Variants in CROCC observed in about 807,000 individuals in gnomAD.
CROCC encodes the protein ciliary rootlet coiled-coil, rootletin.
Under a neutral mutation model 245.2 loss-of-function variants are expected in CROCC, and 180 were observed. The ratio of observed to expected loss-of-function variants is 0.73; its 90% CI spans 0.65 to 0.83. The LOEUF (loss-of-function observed/expected upper bound fraction) is 0.83. CROCC is among the 40% of genes least tolerant of loss of function. The probability of loss-of-function intolerance (pLI) is 0.00; values close to 1 mark genes in which losing one functional copy is unlikely to be tolerated. For synonymous variants in CROCC, 1,205 were observed against 1,241.6 expected (o/e 0.97, Z 0.62); for missense variants, 2,688 against 2,779.4 (o/e 0.97, Z 0.74).
In CROCC at chr1:16,955,540, G is replaced by A. The variant is rs1389924358; in HGVS notation, c.3694G>A (p.Glu1232Lys). The A allele has an allele frequency of 4.5e-6, 7 of 1,541,090 alleles. No individual in the cohort carries two copies. The Admixed American group carries it at 5.7e-5, about 13-fold the overall frequency. The change falls in exon 24 of 37, where the codon GAG becomes AAG. Residue 1232 changes from glutamate to lysine, a missense_variant. Glu to Lys is a moderately conservative substitution (Grantham distance 56). Coordinates refer to ENST00000375541, the MANE Select transcript of CROCC (RefSeq NM_014675.5). ...LRSAVKKAES[E>K]RISLKLANED... is the part of the protein sequence containing the mutation. The stretch of plus-strand genomic sequence containing the variant: ...GTCTGCTGTGAAGAAGGCAGAGAGC[G>A]AGCGCATCAGGTGGGGTGTCGCAGG...
Position 16,940,514 on chromosome 1 carries a change from G to A in CROCC, c.1808+421G>A, listed in dbSNP as rs188930518. Among the ~76,000 whole-genome samples the A allele has an allele frequency of 2.2e-4, 34 of 152,284 alleles. No homozygotes were observed. In the East Asian group the frequency reaches 6.0e-3, roughly 27 times the overall value. The stretch of plus-strand genomic sequence containing the variant: ...AGCAATTCTCACCTCAGCCTCTGAA[G>A]TAGCTGGGATTATAGGTGCCCACCA... On this transcript the variant is annotated intron_variant, in intron 13 of 36. Transcript: ENST00000375541.
intron 24 of CROCC, among the ~76,000 whole-genome samples, 199 bp downstream of exon 24, chr1:16,955,749 G>T (rs922667434): frequency 3.2e-4 from 48 of 152,072 alleles, no homozygotes; most frequent in African/African-American, 1.1e-3. Flanking sequence ...GGGCAGCTTT[G>T]GGTCCAGACT....
At chr1:16,959,988 CG>C (rs1417706854) in intron 26 of CROCC, among the ~76,000 whole-genome samples, 1 of 151,896 alleles carries the variant, frequency 6.6e-6, no homozygotes, top group African/African-American at 2.4e-5. Context: ...CAAAAACAGC[CG>C]GGCGCAGTGG....
chr1:16,939,911 T>TG lies in CROCC; in HGVS notation c.1627dup (p.Glu543GlyfsTer15), dbSNP rs1474933644. The TG allele has an allele frequency of 1.2e-5, 20 of 1,612,230 alleles. No individual in the cohort carries two copies. In the Admixed American group the frequency reaches 2.7e-4, roughly 21 times the overall value. ...CACCCCAGGACATGCGTGGGCGCTA[T>TG]GAGGCAAGCCAGGACCTACTGGGCA... On this transcript the variant is annotated frameshift_variant, in exon 13 of 37. Transcript: ENST00000375541. LOFTEE classifies it high-confidence loss of function.
Position 16,954,754 on chromosome 1 carries a change from G to T in CROCC, c.3342G>T (p.Thr1114=), listed in dbSNP as rs376055990. The T allele has an allele frequency of 6.4e-7, 1 of 1,557,200 alleles. No individual in the cohort carries two copies. Among genetic ancestry groups the T allele is most frequent in the Non-Finnish European group, 8.7e-7 (1 of 1,151,400 alleles). The change falls in exon 23 of 37, where the codon ACG becomes ACT. Residue 1114 remains threonine (T), a synonymous_variant. Coordinates refer to ENST00000375541, the MANE Select transcript of CROCC (RefSeq NM_014675.5). This position sits in a 1 kb window ranked among gnomAD's most constrained non-coding sequence, Gnocchi z 4.4. ...EQDRSTVNAL[T]SELRDLRAQR... is the part of the protein sequence containing the mutation. The stretch of plus-strand genomic sequence containing the variant: ...CCCAGAGCACCGTGAACGCTCTGAC[G>T]TCTGAGCTGCGGGACCTACGGGCCC...
chr1:16,920,118 C>T (rs2075372488), upstream of CROCC, among the ~76,000 whole-genome samples: 1 of 151,666 alleles, frequency 6.6e-6, no homozygotes, highest in Non-Finnish European at 1.5e-5. Flanking sequence ...CTTACTGTGT[C>T]GCCAGGCTGG....
chr1:16,922,386 T>C (rs189495443), intron 1 of CROCC, among the ~76,000 whole-genome samples: 2 of 152,382 alleles, frequency 1.3e-5, no homozygotes, highest in East Asian at 3.9e-4. Flanking sequence ...CGGAACCGGA[T>C]TGGGGCCCCC....
upstream of CROCC, among the ~76,000 whole-genome samples, chr1:16,918,360 G>A (rs1444877596): frequency 6.8e-6 from 1 of 146,720 alleles, no homozygotes; most frequent in East Asian, 2.0e-4. Context: ...CATACACGAG[G>A]TTCAGATATG....
At position 16,924,727 on chromosome 1, in the gene CROCC, G is replaced by A. The variant is rs542317328; in HGVS notation, c.351+248G>A. 9.2e-5 allele frequency among the ~76,000 whole-genome samples: 14 copies of A among 152,410 alleles called. No homozygotes were observed. In the East Asian group the frequency reaches 2.7e-3, roughly 29 times the overall value. On this transcript the variant is annotated intron_variant, in intron 3 of 36. Coordinates refer to ENST00000375541, the MANE Select transcript of CROCC (RefSeq NM_014675.5). ...AATCAAGGAGATAATAGAATAAAGTGCCTGGCACCAGGGGTATTTTGTTCC... is the reference window on the plus strand; with the variant it reads ...AATCAAGGAGATAATAGAATAAAGTACCTGGCACCAGGGGTATTTTGTTCC...
chr1:16,968,392 G>T lies in CROCC; in HGVS notation c.5050G>T (p.Asp1684Tyr). The change falls in exon 31 of 37, where the codon GAT becomes TAT. Residue 1684 changes from aspartate (D) to tyrosine (Y), a missense_variant. By Grantham distance (160) the Asp-to-Tyr change is radical. Coordinates refer to ENST00000375541, the MANE Select transcript of CROCC (RefSeq NM_014675.5). ...DREAQAQALQ[D>Y]RVDSLQRQVA... ...CGAGGCCCAAGCCCAGGCCCTCCAGGATCGGGTGGATTCCCTGCAGAGACA... is the reference window on the plus strand; with the variant it reads ...CGAGGCCCAAGCCCAGGCCCTCCAGTATCGGGTGGATTCCCTGCAGAGACA... The T allele has an allele frequency of 6.7e-7, 1 of 1,503,038 alleles. No individual in the cohort carries two copies. Among genetic ancestry groups the T allele is most frequent in the South Asian group, 1.3e-5 (1 of 76,982 alleles). 93.1% of individuals were successfully genotyped at this position (1,503,038 alleles called of 1,614,324 possible).
rs1018061375 is a variant in CROCC at position 16,946,373 on chromosome 1, G to T, written c.2251G>T (p.Asp751Tyr). Reference sequence around the variant, plus strand: ...CGCCCTCAACGAGAGCCTTGCTCAGGACAAGTTGGATCTGAACCGCCTTGT... The same window carrying T: ...CGCCCTCAACGAGAGCCTTGCTCAGTACAAGTTGGATCTGAACCGCCTTGT... ...LSALNESLAQ[D>Y]KLDLNRLVAQ... The change falls in exon 16 of 37, where the codon GAC (aspartate) becomes TAC (tyrosine). Residue 751 changes from aspartate (D) to tyrosine (Y), a missense_variant. Asp to Tyr is a radical substitution (Grantham distance 160). Around this residue, in one of 9 missense-constraint regions of CROCC, gnomAD observed 295 missense variants for 241.7 expected, o/e 1.22. Coordinates refer to ENST00000375541, the MANE Select transcript of CROCC (RefSeq NM_014675.5). The T allele has an allele frequency of 6.2e-7, 1 of 1,612,866 alleles. No individual in the cohort carries two copies. Among genetic ancestry groups the T allele is most frequent in the Non-Finnish European group, 8.5e-7 (1 of 1,179,958 alleles).
intron 27 of CROCC, among the ~76,000 whole-genome samples, chr1:16,962,838 G>A (rs946490257): frequency 6.6e-6 from 1 of 151,582 alleles, no homozygotes; most frequent in African/African-American, 2.4e-5. Context: ...GATGGTGATG[G>A]CTGCACAACA....
In CROCC at chr1:16,924,434, C is replaced by G. The variant is rs769667982; in HGVS notation, c.306C>G (p.Ala102=). 3.1e-6 allele frequency: 5 copies of G among 1,613,234 alleles called. No homozygotes were observed. The highest frequency in any genetic ancestry group is 1.7e-6 in the Non-Finnish European group (2 of 1,179,888). The change falls in exon 3 of 37, where the codon GCC becomes GCG. Residue 102 remains alanine, a synonymous_variant. Coordinates refer to ENST00000375541, the MANE Select transcript of CROCC (RefSeq NM_014675.5). ...RVEDLLAQSR[A]ERDELAIKYN... Reference sequence around the variant, plus strand: ...AGGACCTGCTGGCCCAGAGCCGTGCCGAGCGCGATGAGCTCGCCATTAAGT... The same window carrying G: ...AGGACCTGCTGGCCCAGAGCCGTGCGGAGCGCGATGAGCTCGCCATTAAGT...
intron 1 of CROCC, among the ~76,000 whole-genome samples, chr1:16,915,077 C>T (rs2075287541): frequency 6.6e-6 from 1 of 151,274 alleles, no homozygotes; most frequent in Non-Finnish European, 1.5e-5. Context: ...CTTAACCCTC[C>T]CCTCCCCAAG....
Position 16,930,220 on chromosome 1 carries a change from G to A in CROCC, c.621+13G>A, listed in dbSNP as rs752777079. The A allele has an allele frequency of 1.4e-5, 22 of 1,587,486 alleles. No homozygotes were observed. The African/African-American group carries it at 2.0e-4, about 15-fold the overall frequency. On this transcript the variant is annotated intron_variant, in intron 5 of 36. Coordinates refer to ENST00000375541, the MANE Select transcript of CROCC (RefSeq NM_014675.5). ...GCAGCGGCTGAGGGTGGGTGCCAGT[G>A]TGGGGCAGGGGCAGGCCCTGCCCTC...
intron 13 of CROCC, among the ~76,000 whole-genome samples, chr1:16,941,764 T>G (rs1296114381): frequency 6.6e-6 from 1 of 152,240 alleles, no homozygotes; most frequent in Non-Finnish European, 1.5e-5. Context: ...ATTCAGTTCT[T>G]TAGTTGCCCT....
chr1:16,921,894 G>A (rs1414746627), upstream of CROCC: 42 of 1,030,558 alleles, frequency 4.1e-5, no homozygotes, highest in Non-Finnish European at 5.4e-5. Flanking sequence ...ACATGGGGGC[G>A]CCGCCGGATT....
intron 11 of CROCC, 53 bp from the exon 12 acceptor site, chr1:16,938,856 C>A: frequency 1.0e-5 from 16 of 1,551,004 alleles, no homozygotes; most frequent in Non-Finnish European, 1.3e-5. Context: ...GCCCAGCTAA[C>A]CCCGCGGTTC....
intron 17 of CROCC, 125 bp downstream of exon 17, chr1:16,947,116 C>T (rs1394377986): frequency 1.3e-5 from 12 of 905,894 alleles, no homozygotes; most frequent in Non-Finnish European, 4.9e-6. Flanking sequence ...TAAATCCAGC[C>T]CCACTTCTGC....
Sources: allele counts gnomAD v4.1 joint callset (sites outside exome capture counted in the v4.1 genomes callset), GRCh38; gene constraint gnomAD v4.1.1; regional missense constraint gnomAD v4.1.1; non-coding constraint Gnocchi (gnomAD v3.1); transcripts MANE v1.5; gene names NCBI Gene and HGNC (gene_info 2026-07-23, HGNC 2026-07-21).